Variants in GRIK2 observed in about 807,000 individuals in gnomAD.
GRIK2 encodes the protein glutamate receptor ionotropic, kainate 2.
GRIK2 carries 32 observed loss-of-function variants against 100.3 expected under a neutral mutation model. That is an observed-to-expected ratio of 0.32 (90% CI 0.24 to 0.43). The LOEUF is 0.43. GRIK2 is among the 20% of genes least tolerant of loss of function. The probability of loss-of-function intolerance (pLI) is 1.00; values close to 1 mark genes in which losing one functional copy is unlikely to be tolerated. For missense variants in GRIK2, 843 were observed against 1,114.9 expected, an observed-to-expected ratio of 0.76 and a Z score of 3.47; for synonymous variants, 417 against 389.4, an observed-to-expected ratio of 1.07 and a Z score of -0.83.
chr6:102,040,264 C>G (rs1180431348), intron 15 of GRIK2, among the ~76,000 whole-genome samples: 2 of 151,440 alleles, frequency 1.3e-5, no homozygotes, highest in Non-Finnish European at 3.0e-5. Context: ...TACATTTTCT[C>G]TCATATTTAC....
intron 16 of GRIK2, chr6:102,065,947 G>C (rs1771997144): frequency 3.1e-6 from 4 of 1,293,768 alleles, no homozygotes; most frequent in Non-Finnish European, 4.0e-6. Context: ...TAAGCAACAA[G>C]AAACACTGTT....
intron 2 of GRIK2, among the ~76,000 whole-genome samples, chr6:101,516,189 TC>T (rs370817366): frequency 3.8e-4 from 58 of 152,128 alleles, no homozygotes; most frequent in African/African-American, 1.3e-3. Flanking sequence ...TTCAATGCAA[TC>T]CCCATCAGAA....
At chr6:101,682,969 C>A (rs538365781) in intron 6 of GRIK2, among the ~76,000 whole-genome samples, 1 of 151,942 alleles carries the variant, frequency 6.6e-6, no homozygotes, top group African/African-American at 2.4e-5. Context: ...TTTGGTAGGC[C>A]GGGGCAGAAG....
chr6:101,416,247 G>C (rs1201654820), intron 2 of GRIK2, among the ~76,000 whole-genome samples: 1 of 152,104 alleles, frequency 6.6e-6, no homozygotes, highest in East Asian at 1.9e-4. Flanking sequence ...GGGAACTTAC[G>C]GGATAACATA....
chr6:101,776,766 G>A (rs1041333050), intron 7 of GRIK2, among the ~76,000 whole-genome samples: 3 of 152,060 alleles, frequency 2.0e-5, no homozygotes, highest in African/African-American at 4.8e-5. Context: ...CTGAATTGTA[G>A]CGTCATGTAC....
At chr6:101,637,869 G>A (rs1781098719) in intron 4 of GRIK2, among the ~76,000 whole-genome samples, 1 of 152,018 alleles carries the variant, frequency 6.6e-6, no homozygotes, top group African/African-American at 2.4e-5. Flanking sequence ...TCTTTGCTGT[G>A]CACAAGTTGT....
At chr6:101,996,035 C>T (rs1254542466) in intron 14 of GRIK2, among the ~76,000 whole-genome samples, 24 of 151,886 alleles carry the variant, frequency 1.6e-4, no homozygotes, top group Admixed American at 1.6e-3. Context: ...GACTAAAAAT[C>T]CACCGTGAGC....
At chr6:101,565,413 C>A (rs766134666) in intron 2 of GRIK2, among the ~76,000 whole-genome samples, 1 of 152,038 alleles carries the variant, frequency 6.6e-6, no homozygotes, top group Non-Finnish European at 1.5e-5. Context: ...AATTTTTCTA[C>A]TTTGAAGAGT....
At chr6:101,684,708 G>A (rs1771545994) in intron 6 of GRIK2, among the ~76,000 whole-genome samples, 1 of 148,668 alleles carries the variant, frequency 6.7e-6, no homozygotes, top group Non-Finnish European at 1.5e-5. Flanking sequence ...CAAAGAAATG[G>A]GAAAATCTGG....
At chr6:102,051,251 C>CCCTTCCTTCCTTCCTTCCTTCCTT (rs369459574) in intron 15 of GRIK2, among the ~76,000 whole-genome samples, 1 of 122,058 alleles carries the variant, frequency 8.2e-6, no homozygotes, top group Admixed American at 8.4e-5. Context: ...TTCCCTCCCT[C>CCCTTCCTTCCTTCCTTCCTTCCTT]CCTTCCTTCC....
At position 102,035,576 on chromosome 6, in the gene GRIK2, A is replaced by G; in HGVS notation, c.2311+10A>G. 6.9e-7 allele frequency: 1 copy of G among 1,439,712 alleles called. No individual in the cohort carries two copies. Among genetic ancestry groups the G allele is most frequent in the Non-Finnish European group, 9.8e-7 (1 of 1,023,464 alleles). 89.2% of individuals were successfully genotyped at this position (1,439,712 alleles called of 1,614,324 possible). A position where few individuals can be genotyped will look rare whatever the true frequency, so the allele number is the denominator to read the frequency against. On this transcript the variant is annotated intron_variant, in intron 15 of 16. Transcript: ENST00000369134. ...GTTGGCACTCCCATGGGTAGGTTAT[A>G]TGTCAGCTCTTTGTTCTTTGTTCAT... is the stretch of plus-strand genomic sequence containing the variant.
Position 101,399,340 on chromosome 6 carries a change from C to G in GRIK2, c.63C>G (p.Leu21=), listed in dbSNP as rs749604821. 3.8e-6 allele frequency: 6 copies of G among 1,595,686 alleles called. No homozygotes were observed. In the Admixed American group the frequency reaches 5.0e-5, roughly 13 times the overall value. The change falls in exon 2 of 17, where the codon CTC becomes CTG. Residue 21 remains leucine, a synonymous_variant. Coordinates refer to ENST00000369134, the MANE Select transcript of GRIK2 (RefSeq NM_021956.5). ...PVFRRTVKLL[L]CLLWIGYSQG... is the part of the protein sequence containing the mutation. ...TCAGGCGCACCGTTAAACTCCTGCT[C>G]TGTTTACTGTGGATTGGATATTCTC... is the stretch of plus-strand genomic sequence containing the variant.
chr6:101,716,720 G>T (rs1279894975), intron 7 of GRIK2, among the ~76,000 whole-genome samples: 2 of 151,674 alleles, frequency 1.3e-5, no homozygotes, highest in Non-Finnish European at 2.9e-5. Flanking sequence ...TGCATGTTGT[G>T]CACACGTACC....
At chr6:101,723,457 A>G (rs1428954135) in intron 7 of GRIK2, among the ~76,000 whole-genome samples, 3 of 152,052 alleles carry the variant, frequency 2.0e-5, no homozygotes, top group Non-Finnish European at 2.9e-5. Flanking sequence ...AATACCTTGC[A>G]ACATTTTTTG....
Position 102,009,562 on chromosome 6 carries a change from TAGAC to T in GRIK2, c.2086-25778_2086-25775del, listed in dbSNP as rs1795412892. Among the ~76,000 whole-genome samples the T allele has an allele frequency of 3.3e-5, 5 of 152,226 alleles. No homozygotes were observed. In the South Asian group the frequency reaches 8.3e-4, roughly 25 times the overall value. ...AAGTGGCTGCAGTAAAGGGAAGTAA[TAGAC>T]TGACAAGGCTTTTAGATGTAAGAAA... On this transcript the variant is annotated intron_variant, in intron 14 of 16. Transcript: ENST00000369134.
intron 7 of GRIK2, among the ~76,000 whole-genome samples, chr6:101,768,690 A>G (rs1487742345): frequency 6.6e-6 from 1 of 152,136 alleles, no homozygotes; most frequent in Non-Finnish European, 1.5e-5. Context: ...AGTAATTTCT[A>G]TTATCTAAAC....
chr6:101,728,110 A>T (rs1382713293), intron 7 of GRIK2, among the ~76,000 whole-genome samples: 1 of 152,042 alleles, frequency 6.6e-6, no homozygotes, highest in African/African-American at 2.4e-5. Context: ...TCTAATTTGA[A>T]AGCAAAATGA....
chr6:101,841,168 C>A (rs1410546298), intron 10 of GRIK2, among the ~76,000 whole-genome samples: 1 of 152,152 alleles, frequency 6.6e-6, no homozygotes, highest in Non-Finnish European at 1.5e-5. Flanking sequence ...CGAGCAATAG[C>A]ATTCCGTGTT....
At chr6:101,459,849 G>A (rs748346972) in intron 2 of GRIK2, among the ~76,000 whole-genome samples, 1 of 151,502 alleles carries the variant, frequency 6.6e-6, no homozygotes, top group Non-Finnish European at 1.5e-5. Flanking sequence ...TCTGCCTCCC[G>A]GGTTCAAGCG....
Sources: gnomAD v4.1 joint callset for allele counts (sites outside exome capture counted in the v4.1 genomes callset) on GRCh38, gnomAD v4.1.1 for gene constraint, MANE v1.5 for transcripts, NCBI Gene and HGNC (gene_info 2026-07-23, HGNC 2026-07-21) for gene names.